Variants in PCGF2 observed in about 807,000 individuals in gnomAD.
PCGF2 encodes the protein polycomb group RING finger protein 2.
PCGF2 carries 8 observed loss-of-function variants against 36.1 expected under a neutral mutation model. That is an observed-to-expected ratio of 0.22 (90% CI 0.13 to 0.40). The LOEUF is 0.40. Among genes scored for constraint, PCGF2 ranks in the 10% least tolerant of loss-of-function variants. The pLI is 1.00. For missense variants in PCGF2, 436 were observed against 475.9 expected (o/e 0.92, Z 0.78); for synonymous variants, 198 against 191.2 (o/e 1.04, Z -0.29).
At chr17:38,736,043 A>G in intron 10 of PCGF2, 47 bp downstream of exon 10, 1 of 1,289,498 alleles carries the variant, frequency 7.8e-7, no homozygotes, top group Non-Finnish European at 1.1e-6. Context: ...GACCTATGCC[A>G]GACCCTGTGG....
chr17:38,741,838 T>C (rs1907221130), intron 2 of PCGF2, among the ~76,000 whole-genome samples: 1 of 152,166 alleles, frequency 6.6e-6, no homozygotes, highest in Non-Finnish European at 1.5e-5. Flanking sequence ...CCTGCCAGTG[T>C]CCCTGATGGA....
At chr17:38,737,239 G>C (rs1026014259) in intron 9 of PCGF2, among the ~76,000 whole-genome samples, 13 of 152,186 alleles carry the variant, frequency 8.5e-5, no homozygotes, top group Non-Finnish European at 1.6e-4. Flanking sequence ...GAAGCGGGTG[G>C]GTCACTTGAG....
intron 9 of PCGF2, among the ~76,000 whole-genome samples, chr17:38,737,414 G>A (rs1906856818): frequency 6.6e-6 from 1 of 152,126 alleles, no homozygotes; most frequent in African/African-American, 2.4e-5. Flanking sequence ...AGTGAGCCAA[G>A]ATGATGCCAC....
intron 3 of PCGF2, 118 bp downstream of exon 3, chr17:38,740,173 C>A (rs922097552): frequency 1.2e-5 from 10 of 838,794 alleles, no homozygotes; most frequent in Admixed American, 2.5e-5. Flanking sequence ...CCAGCAGACA[C>A]GTGGGCGCGT....
chr17:38,744,176 C>T (rs183576398), intron 2 of PCGF2, among the ~76,000 whole-genome samples: 73 of 152,310 alleles, frequency 4.8e-4, no homozygotes, highest in Non-Finnish European at 8.8e-4. Context: ...GACCCTTAGG[C>T]AGCCCACATT....
upstream of PCGF2, chr17:38,749,336 G>T (rs1011860727): frequency 4.1e-6 from 1 of 241,090 alleles, no homozygotes; most frequent in Non-Finnish European, 8.7e-6. This position sits in a 1 kb window ranked among gnomAD's most constrained non-coding sequence, Gnocchi z 6.5. Context: ...GGCTGGGCCC[G>T]ACTCCCACTG....
chr17:38,741,738 A>C (rs1489425390), intron 2 of PCGF2, among the ~76,000 whole-genome samples: 2 of 152,070 alleles, frequency 1.3e-5, no homozygotes, highest in Non-Finnish European at 1.5e-5. Flanking sequence ...GAGGGTCCTT[A>C]CATGCCTGAA....
intron 2 of PCGF2, among the ~76,000 whole-genome samples, chr17:38,741,878 C>T (rs1300749463): frequency 6.6e-6 from 1 of 152,186 alleles, no homozygotes; most frequent in Non-Finnish European, 1.5e-5. Context: ...TCCCTGTCCA[C>T]AAGCACACAG....
At chr17:38,747,622 G>C (rs892421371) in intron 2 of PCGF2, among the ~76,000 whole-genome samples, 12 of 152,018 alleles carry the variant, frequency 7.9e-5, no homozygotes, top group African/African-American at 2.9e-4. Context: ...AGGTGCCCGA[G>C]AGGACCCGGA....
chr17:38,735,654 A>C, intron 10 of PCGF2, 54 bp from the exon 11 acceptor site: 11 of 1,481,978 alleles, frequency 7.4e-6, no homozygotes, highest in Non-Finnish European at 9.9e-6. Context: ...ATCAGGAGAC[A>C]GAGTCCAACT....
chr17:38,739,450 CG>C lies in PCGF2; in HGVS notation c.209+135del. 1 of 881,162 alleles carries C rather than the reference CG, an allele frequency of 1.1e-6. No homozygotes were observed. Among genetic ancestry groups the C allele is most frequent in the Admixed American group, 1.9e-5 (1 of 54,016 alleles). 54.6% of individuals were successfully genotyped at this position (881,162 alleles called of 1,614,324 possible). A position where few individuals can be genotyped will look rare whatever the true frequency, so the allele number is the denominator to read the frequency against. On this transcript the variant is annotated intron_variant, in intron 4 of 10. Transcript: ENST00000620225. This position sits in a 1 kb window ranked among gnomAD's most constrained non-coding sequence, Gnocchi z 4.0. Reference sequence around the variant, plus strand: ...GATGAGCCAAATGTAACCCCAAGGTCGGGGAGTAGCCCAGGTCCACACCCCA... The same window carrying C: ...GATGAGCCAAATGTAACCCCAAGGTCGGGAGTAGCCCAGGTCCACACCCCA...
intron 9 of PCGF2, among the ~76,000 whole-genome samples, 173 bp from the exon 10 acceptor site, chr17:38,736,343 C>A (rs564030815): frequency 7.2e-4 from 110 of 152,334 alleles, no homozygotes; most frequent in African/African-American, 2.4e-3. Flanking sequence ...TCCAACATAA[C>A]TCCTGACCAC....
At chr17:38,749,353 C>T (rs983213784), upstream of PCGF2, 1 of 245,946 alleles carries the variant, frequency 4.1e-6, no homozygotes, top group Non-Finnish European at 8.5e-6. This position sits in a 1 kb window ranked among gnomAD's most constrained non-coding sequence, Gnocchi z 6.5. Flanking sequence ...ACTGGCGCCC[C>T]GGCTCCACCT....
At chr17:38,743,421 C>T (rs1229457834) in intron 2 of PCGF2, among the ~76,000 whole-genome samples, 2 of 151,862 alleles carry the variant, frequency 1.3e-5, no homozygotes, top group Non-Finnish European at 2.9e-5. Context: ...ACCCCACAGC[C>T]GAGAGCCCCA....
rs1347148516 is a variant in PCGF2, at chr17:38,735,256, A to G, written c.1002T>C (p.Thr334=). The change falls in exon 11 of 11, where the codon ACT becomes ACC. Residue 334 remains threonine, a synonymous_variant. Transcript: ENST00000620225. ...AGGGGGGCACGGGAGCGCCGTTGAC[A>G]GTCATCTTGCGCCCCCTGCTGGTGG... ...PSSTSRGRKM[T]VNGAPVPPLT 31 of 1,459,040 alleles carry G rather than the reference A, an allele frequency of 2.1e-5. No individual in the cohort carries two copies. Among genetic ancestry groups the G allele is most frequent in the East Asian group, 2.5e-5 (1 of 39,980 alleles). 90.4% of individuals were successfully genotyped at this position (1,459,040 alleles called of 1,614,324 possible). A position where few individuals can be genotyped will look rare whatever the true frequency, so the allele number is the denominator to read the frequency against.
At position 38,740,568 on chromosome 17, in the gene PCGF2, A is replaced by G. The variant is rs192661806; in HGVS notation, c.-40-126T>C. ...AGGTCAGGAGATTGAGACCATCTTG[A>G]CTAACATGGTGAAACCCCATCTCTA... is the stretch of plus-strand genomic sequence containing the variant. On this transcript the variant is annotated intron_variant, in intron 2 of 10. Coordinates refer to ENST00000620225, the MANE Select transcript of PCGF2 (RefSeq NM_007144.3). 2,932 of 623,374 alleles carry G rather than the reference A, an allele frequency of 4.7e-3. 7 individuals are homozygous for G. Among genetic ancestry groups the G allele is most frequent in the African/African-American group, 0.012 (614 of 53,102 alleles). 38.6% of individuals were successfully genotyped at this position (623,374 alleles called of 1,614,324 possible).
intron 2 of PCGF2, among the ~76,000 whole-genome samples, chr17:38,742,759 G>C (rs1205305935): frequency 6.6e-6 from 1 of 152,214 alleles, no homozygotes; most frequent in East Asian, 1.9e-4. Flanking sequence ...AACAATCCAA[G>C]TGGCTGTCTC....
upstream of PCGF2, among the ~76,000 whole-genome samples, chr17:38,748,602 AG>A (rs1907719021): frequency 6.6e-6 from 1 of 151,948 alleles, no homozygotes; most frequent in African/African-American, 2.4e-5. Flanking sequence ...CCGACCCCGG[AG>A]GATGGATTCT....
Position 38,735,246 on chromosome 17 carries a change from C to T in PCGF2, c.1012G>A (p.Ala338Thr), listed in dbSNP as rs972720076. ...SRGRKMTVNG[A>T]PVPPLT ...CCTCAAGTTAAGGGGGGCACGGGAG[C>T]GCCGTTGACAGTCATCTTGCGCCCC... The change falls in exon 11 of 11, where the codon GCT (alanine) becomes ACT (threonine). Residue 338 changes from alanine (A) to threonine (T), a missense_variant. Ala to Thr is a moderately conservative substitution (Grantham distance 58, BLOSUM62 0). This residue lies in a region of PCGF2 where 227 missense variants were observed against 212.9 expected (regional missense o/e 1.07). Transcript: ENST00000620225. 5 of 1,443,566 alleles carry T rather than the reference C, an allele frequency of 3.5e-6. No homozygotes were observed. Among genetic ancestry groups the T allele is most frequent in the African/African-American group, 2.8e-5 (2 of 70,454 alleles). 89.4% of individuals were successfully genotyped at this position (1,443,566 alleles called of 1,614,324 possible).
Sources: allele counts gnomAD v4.1 joint callset (sites outside exome capture counted in the v4.1 genomes callset), GRCh38; gene constraint gnomAD v4.1.1; regional missense constraint gnomAD v4.1.1; non-coding constraint Gnocchi (gnomAD v3.1); transcripts MANE v1.5; gene names NCBI Gene and HGNC (gene_info 2026-07-23, HGNC 2026-07-21).